Variants in MSN observed in about 807,000 individuals in gnomAD.
MSN encodes moesin.
Under a neutral mutation model 48.0 loss-of-function variants are expected in MSN, and 2 were observed. That is an observed-to-expected ratio of 0.04 (90% confidence interval 0.02 to 0.13). The LOEUF (loss-of-function observed/expected upper bound fraction) is 0.13. Among genes scored for constraint, MSN ranks in the 10% least tolerant of loss-of-function variants. MSN has a pLI of 1.00. For synonymous variants in MSN, 146 were observed against 166.9 expected (o/e 0.87, Z 0.97); for missense variants, 267 against 470.1 (o/e 0.57, Z 3.99).
chrX:65,631,353 C>T (rs1231853486), intron 1 of MSN, among the ~76,000 whole-genome samples: 2 of 110,924 alleles, frequency 1.8e-5, no homozygotes, highest in Admixed American at 1.9e-4. Context: ...CTCGGCCTCC[C>T]AAAGTGATGA....
chrX:65,649,605 TTGTG>T (rs200078172), intron 1 of MSN, among the ~76,000 whole-genome samples: 12 of 98,405 alleles, frequency 1.2e-4, no homozygotes, highest in Middle Eastern at 5.1e-3. Context: ...ATATATATAT[TTGTG>T]TGTGTGTGTG....
intron 1 of MSN, among the ~76,000 whole-genome samples, chrX:65,684,304 C>T (rs1022643184): frequency 9.0e-6 from 1 of 111,498 alleles, no homozygotes; most frequent in Non-Finnish European, 1.9e-5. Flanking sequence ...AGTACAAATC[C>T]GTATTGTTCT....
intron 1 of MSN, chrX:65,625,536 T>C (rs1215457052): frequency 5.3e-5 from 6 of 112,595 alleles, no homozygotes; most frequent in African/African-American, 1.9e-4. Flanking sequence ...TTTCATTCTT[T>C]GTTTCTTGTA....
chrX:65,612,853 G>GT (rs534442652), intron 1 of MSN, among the ~76,000 whole-genome samples: 7,885 of 82,619 alleles, frequency 0.095, 671 homozygotes, highest in African/African-American at 0.39. Flanking sequence ...GAACCATGGT[G>GT]TTTTTTTTTT....
rs146012514 is a variant in MSN, at chrX:65,741,648, C to G, written c.*1755C>G. ...CTCAATTCCCCCTGGCCACCACCCC[C>G]CACTCTGTGCCTGACCTTGAGGAGT... On this transcript the variant is annotated 3_prime_UTR_variant, in exon 13 of 13. Transcript: ENST00000360270. 0.012 allele frequency: 2,052 copies of G among 169,087 alleles called. 43 individuals carry two copies. Among genetic ancestry groups the G allele is most frequent in the African/African-American group, 0.057 (1,898 of 33,272 alleles). 13.9% of individuals were successfully genotyped at this position (169,087 alleles called of 1,213,427 possible).
At chrX:65,606,102 C>T (rs9779459) in intron 1 of MSN, among the ~76,000 whole-genome samples, 7,198 of 107,017 alleles carry the variant, frequency 0.067, 683 homozygotes, top group African/African-American at 0.24. Flanking sequence ...ACCACCATAC[C>T]GAGGATTTTT....
In MSN at chrX:65,738,985, G is replaced by T; in HGVS notation, c.1360G>T (p.Glu454Ter). The change falls in exon 12 of 13, where the codon GAA becomes TAA. Residue 454 changes from glutamate (E) to a stop codon, truncating the protein, a stop_gained. Transcript: ENST00000360270. LOFTEE classifies it high-confidence loss of function. ...CACTGGACAGGCCCAGATGGTACAG[G>T]AAGACTTGGAGAAGACCCGTGCTGA... is the stretch of plus-strand genomic sequence containing the variant. Reference protein sequence around the residue: ...EWQQKAQMVQEDLEKTRAELK... With the variant: ...EWQQKAQMVQ 1 of 1,211,650 alleles carries T rather than the reference G, an allele frequency of 8.3e-7. No individual in the cohort carries two copies. The highest frequency in any genetic ancestry group is 1.1e-6 in the Non-Finnish European group (1 of 895,382).
chrX:65,658,518 A>G (rs994843920), intron 1 of MSN, among the ~76,000 whole-genome samples: 1 of 112,271 alleles, frequency 8.9e-6, no homozygotes, highest in Non-Finnish European at 1.9e-5. Context: ...AGCAGCCCTC[A>G]GAAAGTTTTG....
intron 1 of MSN, among the ~76,000 whole-genome samples, chrX:65,614,951 G>A (rs773841746): frequency 0.12 from 10,473 of 88,503 alleles, 1,955 homozygotes; most frequent in African/African-American, 0.43. Context: ...GAGAATATGC[G>A]GTGTTTGGTT....
intron 1 of MSN, among the ~76,000 whole-genome samples, chrX:65,679,603 C>T (rs933058420): frequency 2.7e-5 from 3 of 112,118 alleles, no homozygotes; most frequent in Non-Finnish European, 5.6e-5. Flanking sequence ...TCTGTGAGGG[C>T]CTACAAGGCT....
At chrX:65,682,339 T>A (rs942656619) in intron 1 of MSN, among the ~76,000 whole-genome samples, 2 of 112,350 alleles carry the variant, frequency 1.8e-5, no homozygotes, top group Admixed American at 1.9e-4. Flanking sequence ...AATTGCTTTT[T>A]GTTTTCACCA....
At chrX:65,719,690 G>A (rs1295818400) in intron 2 of MSN, among the ~76,000 whole-genome samples, 1 of 111,409 alleles carries the variant, frequency 9.0e-6, no homozygotes, top group Non-Finnish European at 1.9e-5. Context: ...GGGAGCCAGA[G>A]GCTCCTTTGA....
intron 1 of MSN, among the ~76,000 whole-genome samples, chrX:65,621,602 T>G (rs938848670): frequency 1.8e-5 from 2 of 109,339 alleles, no homozygotes; most frequent in Non-Finnish European, 3.8e-5. Context: ...CCCTTGTAGT[T>G]TCACATAAAT....
chrX:65,591,848 C>T (rs1262394430), intron 1 of MSN, among the ~76,000 whole-genome samples: 1 of 111,252 alleles, frequency 9.0e-6, no homozygotes, highest in Non-Finnish European at 1.9e-5. Flanking sequence ...CTCATCCCTG[C>T]CCCTGCCATC....
At chrX:65,623,233 T>C (rs2070468770) in intron 1 of MSN, among the ~76,000 whole-genome samples, 1 of 110,464 alleles carries the variant, frequency 9.1e-6, no homozygotes, top group Non-Finnish European at 1.9e-5. Flanking sequence ...ATTGTATGCC[T>C]TCATCTGGCT....
chrX:65,684,882 G>A lies in MSN; in HGVS notation c.12+17029G>A, dbSNP rs1033801810. ...GCCCCCTGAGTGGCTAAGACTACAG[G>A]TGCATTCTACCATGCCCAGTTATTT... is the stretch of plus-strand genomic sequence containing the variant. On this transcript the variant is annotated intron_variant, in intron 1 of 12. Transcript: ENST00000360270. 5.3e-5 allele frequency among the ~76,000 whole-genome samples: 6 copies of A among 112,218 alleles called. No individual in the cohort carries two copies. In the East Asian group the frequency reaches 1.1e-3, roughly 21 times the overall value.
rs540267173 is a variant in MSN, at chrX:65,698,666, C to T, written c.13-18152C>T. On this transcript the variant is annotated intron_variant, in intron 1 of 12. Transcript: ENST00000360270. ...GCTTCCTGTGCAAAAGAGGGTGGGG[C>T]GCCGGCCTTCCTGCCTGTCTGCCCA... Among the ~76,000 whole-genome samples, 17 of 112,097 alleles carry T rather than the reference C, an allele frequency of 1.5e-4. No homozygotes were observed. The East Asian group carries it at 2.8e-3, about 19-fold the overall frequency.
At chrX:65,642,218 C>CATGCAATGAA (rs1350682940) in intron 1 of MSN, among the ~76,000 whole-genome samples, 1 of 109,505 alleles carries the variant, frequency 9.1e-6, no homozygotes, top group Non-Finnish European at 1.9e-5. Context: ...ATAATACATC[C>CATGCAATGAA]ATGCAATGAA....
chrX:65,649,124 C>T (rs1464529963), intron 1 of MSN, among the ~76,000 whole-genome samples: 1 of 108,315 alleles, frequency 9.2e-6, no homozygotes, highest in Non-Finnish European at 1.9e-5. Context: ...GAGTGTATTA[C>T]TTCAGCAGGG....
Sources: allele counts gnomAD v4.1 joint callset (sites outside exome capture counted in the v4.1 genomes callset), GRCh38; gene constraint gnomAD v4.1.1; transcripts MANE v1.5; gene names NCBI Gene and HGNC (gene_info 2026-07-23, HGNC 2026-07-21).